C10orf67: variants seen among roughly 807,000 people sequenced by gnomAD.
The protein encoded by C10orf67 is uncharacterized protein C10orf67, mitochondrial.
C10orf67 carries 60 observed loss-of-function variants against 35.6 expected under a neutral mutation model. That is an observed-to-expected ratio of 1.68 (90% confidence interval 1.37 to 2.09). The LOEUF is 2.09. Ranked by LOEUF, C10orf67 falls within the 30% of genes most tolerant of loss-of-function variation. The pLI is 0.00. For synonymous variants in C10orf67, 167 were observed against 115.8 expected (o/e 1.44, Z -2.84); for missense variants, 474 against 330.2 (o/e 1.44, Z -3.38).
chr10:23,202,133 C>T (rs1841046676), downstream of C10orf67: 1 of 152,270 alleles, frequency 6.6e-6, no homozygotes, highest in South Asian at 2.1e-4. Context: ...CTGATCAAAG[C>T]ACCCATTCTC....
At chr10:23,219,316 T>C (rs1841514381) in intron 15 of C10orf67, among the ~76,000 whole-genome samples, 1 of 152,216 alleles carries the variant, frequency 6.6e-6, no homozygotes, top group Non-Finnish European at 1.5e-5. Flanking sequence ...AGAGTCACTG[T>C]TACTTTGAGG....
chr10:23,298,502 T>C (rs1020191878), intron 5 of C10orf67, among the ~76,000 whole-genome samples: 3 of 152,194 alleles, frequency 2.0e-5, no homozygotes, highest in Admixed American at 2.0e-4. Context: ...CAGGTGTCCA[T>C]CTTACTAAAT....
chr10:23,229,076 A>T (rs941742149), intron 13 of C10orf67, among the ~76,000 whole-genome samples: 3 of 152,080 alleles, frequency 2.0e-5, no homozygotes, highest in Non-Finnish European at 1.5e-5. Flanking sequence ...CAGCCATTCC[A>T]TTACTGGCTA....
At chr10:23,216,010 C>T (rs1841420679) in intron 15 of C10orf67, among the ~76,000 whole-genome samples, 1 of 152,134 alleles carries the variant, frequency 6.6e-6, no homozygotes, top group Admixed American at 6.6e-5. Flanking sequence ...CATGATGACA[C>T]TTTAGAAATT....
At chr10:23,213,679 A>C (rs1841366383) in intron 15 of C10orf67, among the ~76,000 whole-genome samples, 1 of 152,212 alleles carries the variant, frequency 6.6e-6, no homozygotes, top group South Asian at 2.1e-4. Flanking sequence ...ACATATGCAT[A>C]CATAAACATA....
intron 13 of C10orf67, among the ~76,000 whole-genome samples, chr10:23,231,118 T>C (rs890769781): frequency 1.3e-5 from 2 of 151,980 alleles, no homozygotes; most frequent in Non-Finnish European, 2.9e-5. Context: ...CAGCTGATTT[T>C]TTTTTCTATT....
At chr10:23,240,894 C>A (rs759357526) in intron 12 of C10orf67, among the ~76,000 whole-genome samples, 3 of 152,110 alleles carry the variant, frequency 2.0e-5, no homozygotes, top group Non-Finnish European at 2.9e-5. Context: ...AACAACACTG[C>A]CAGATTGCAC....
intron 8 of C10orf67, among the ~76,000 whole-genome samples, chr10:23,277,878 T>C (rs1467803504): frequency 6.6e-6 from 1 of 152,146 alleles, no homozygotes; most frequent in Non-Finnish European, 1.5e-5. Flanking sequence ...CTGCACGCTG[T>C]ACAGGAAGCA....
At chr10:23,287,161 C>G (rs1031581513) in intron 7 of C10orf67, among the ~76,000 whole-genome samples, 4 of 152,116 alleles carry the variant, frequency 2.6e-5, no homozygotes, top group Non-Finnish European at 5.9e-5. Flanking sequence ...AGACCCTGTA[C>G]AGCCAAGACA....
At chr10:23,217,683 C>T (rs534603900) in intron 15 of C10orf67, among the ~76,000 whole-genome samples, 12 of 152,144 alleles carry the variant, frequency 7.9e-5, no homozygotes, top group Non-Finnish European at 1.6e-4. Context: ...AACATTCTTA[C>T]CTTCTGCCTC....
intron 8 of C10orf67, among the ~76,000 whole-genome samples, chr10:23,279,996 G>A (rs1021676065): frequency 2.0e-5 from 3 of 152,054 alleles, no homozygotes; most frequent in Non-Finnish European, 4.4e-5. Flanking sequence ...GAGGACTGCA[G>A]GCATGCGCTA....
intron 3 of C10orf67, among the ~76,000 whole-genome samples, chr10:23,322,045 C>T (rs529619147): frequency 7.9e-5 from 12 of 152,290 alleles, no homozygotes; most frequent in African/African-American, 2.6e-4. Context: ...ACCCTGGCTT[C>T]CCAAAGTGGT....
chr10:23,296,874 C>T (rs1843896570), intron 5 of C10orf67, among the ~76,000 whole-genome samples: 1 of 152,154 alleles, frequency 6.6e-6, no homozygotes, highest in African/African-American at 2.4e-5. Context: ...ACTTTACAGG[C>T]CTTGACTATC....
At chr10:23,306,199 C>A (rs35291604) in intron 4 of C10orf67, among the ~76,000 whole-genome samples, 15,024 of 152,012 alleles carry the variant, frequency 0.099, 1,013 homozygotes, top group Non-Finnish European at 0.14. Flanking sequence ...TATGTAGAAT[C>A]CAAAAAAGTT....
At chr10:23,286,652 G>A (rs1009433395) in intron 7 of C10orf67, among the ~76,000 whole-genome samples, 2 of 147,564 alleles carry the variant, frequency 1.4e-5, no homozygotes, top group African/African-American at 5.0e-5. Flanking sequence ...AAAGGAGGGA[G>A]AAAGGAGGGA....
chr10:23,331,193 GGGA>G (rs1845445305), intron 2 of C10orf67, among the ~76,000 whole-genome samples: 1 of 5,710 alleles, frequency 1.8e-4, no homozygotes, highest in Non-Finnish European at 3.1e-4. Context: ...GGGAAGGGAA[GGGA>G]AGGGAAGGGA....
intron 10 of C10orf67, among the ~76,000 whole-genome samples, chr10:23,256,303 C>T (rs986208574): frequency 6.2e-4 from 94 of 152,096 alleles, no homozygotes; most frequent in African/African-American, 2.2e-3. Context: ...TATGTCTGGC[C>T]CTGTATCCAT....
intron 12 of C10orf67, among the ~76,000 whole-genome samples, chr10:23,241,790 T>C (rs1311955576): frequency 6.6e-6 from 1 of 152,022 alleles, no homozygotes; most frequent in Non-Finnish European, 1.5e-5. Context: ...GACCCATAGA[T>C]TCAAGAGCTA....
In C10orf67 at chr10:23,214,126, A is replaced by G. The variant is rs1164861838; in HGVS notation, c.1570+9472T>C. The stretch of plus-strand genomic sequence containing the variant: ...AGGCCAGTGCATGCAACAATCCACC[A>G]AGAAAAAATAGGAAGCATTTAACAT... On this transcript the variant is annotated intron_variant, in intron 15 of 15. Transcript: ENST00000636213. Among the ~76,000 whole-genome samples, 4 of 152,274 alleles carry G rather than the reference A, an allele frequency of 2.6e-5. No homozygotes were observed. The East Asian group carries it at 7.7e-4, about 29-fold the overall frequency.
Sources: allele counts gnomAD v4.1 joint callset (sites outside exome capture counted in the v4.1 genomes callset), GRCh38; gene constraint gnomAD v4.1.1; transcripts MANE v1.5; gene names NCBI Gene and HGNC (gene_info 2026-07-23, HGNC 2026-07-21).